Variants in NPIPA6 observed in about 807,000 individuals in gnomAD.
The protein encoded by NPIPA6 is nuclear pore complex-interacting protein family member A6.
chr16:16,343,093 ATTT>A, the NPIPA6 span, among the ~76,000 whole-genome samples: 2 of 86,166 alleles, frequency 2.3e-5, no homozygotes, highest in Non-Finnish European at 2.3e-5. Flanking sequence ...TATTCATGTC[ATTT>A]TTTTTTTTTT....
chr16:16,337,175 G>A, the NPIPA6 span, among the ~76,000 whole-genome samples: 2 of 105,862 alleles, frequency 1.9e-5, no homozygotes, highest in Non-Finnish European at 3.7e-5. Flanking sequence ...CAAACAAAAC[G>A]GACCAAAACA....
chr16:16,343,383 A>T, the NPIPA6 span, among the ~76,000 whole-genome samples: 1 of 51,756 alleles, frequency 1.9e-5, no homozygotes, highest in East Asian at 6.3e-4. Context: ...GAGCTACCGC[A>T]CCTGGCCTAT....
At chr16:16,343,421 A>T in the NPIPA6 span, among the ~76,000 whole-genome samples, 1 of 38,328 alleles carries the variant, frequency 2.6e-5, no homozygotes, top group Non-Finnish European at 4.6e-5. Flanking sequence ...TTTGAGACAG[A>T]GTTTGAATTT....
At chr16:16,338,381 T>C in the NPIPA6 span, among the ~76,000 whole-genome samples, 1 of 124,554 alleles carries the variant, frequency 8.0e-6, no homozygotes, top group African/African-American at 3.5e-5. Context: ...TCCACCTTGG[T>C]AATTTTTTTT....
chr16:16,343,712 GTTGTGTGT>G, the NPIPA6 span, among the ~76,000 whole-genome samples: 1 of 103,468 alleles, frequency 9.7e-6, no homozygotes. Context: ...ATTCTTGTGT[GTTGTGTGT>G]GTGTGTGTGT....
chr16:16,337,161 C>CT, the NPIPA6 span, among the ~76,000 whole-genome samples: 1 of 98,590 alleles, frequency 1.0e-5, no homozygotes, highest in Non-Finnish European at 2.0e-5. Context: ...ACTCTTGTCT[C>CT]TAACAAACAA....
At chr16:16,336,549 C>T in the NPIPA6 span, 1 of 155,348 alleles carries the variant, frequency 6.4e-6, no homozygotes, top group Non-Finnish European at 1.2e-5. Context: ...CCTTCCCTTA[C>T]TTCCCCCCTT....
chr16:16,343,634 T>G, the NPIPA6 span, among the ~76,000 whole-genome samples: 794 of 93,166 alleles, frequency 8.5e-3, no homozygotes, highest in African/African-American at 0.019. Context: ...GACCTCAGGT[T>G]ATCCGCCTGC....
the NPIPA6 span, among the ~76,000 whole-genome samples, chr16:16,339,169 G>GC: frequency 1.4e-4 from 2 of 14,036 alleles, no homozygotes; most frequent in African/African-American, 2.4e-4. Context: ...CTGCAATCTA[G>GC]CCTGGGTGAC....
chr16:16,337,221 G>T, the NPIPA6 span, among the ~76,000 whole-genome samples: 1 of 114,944 alleles, frequency 8.7e-6, no homozygotes, highest in African/African-American at 4.1e-5. Flanking sequence ...CATCTGGTTT[G>T]ATGACTTTTT....
the NPIPA6 span, among the ~76,000 whole-genome samples, chr16:16,336,521 C>T: frequency 4.4e-5 from 2 of 45,766 alleles, no homozygotes; most frequent in Admixed American, 2.0e-4. Context: ...TCCCCAACAG[C>T]CCCCTTCTCC....
At chr16:16,336,470 G>A in the NPIPA6 span, among the ~76,000 whole-genome samples, 1 of 22,684 alleles carries the variant, frequency 4.4e-5, no homozygotes, top group East Asian at 2.3e-3. Flanking sequence ...AATTTGAACC[G>A]GATCCTTTCC....
chr16:16,344,263 G>A, the NPIPA6 span: 2 of 5,864 alleles, frequency 3.4e-4, no homozygotes, highest in South Asian at 1.0e-3. Flanking sequence ...CAAGGGCTGA[G>A]GTCCGTTTGT....
chr16:16,332,083 G>A, the NPIPA6 span: 1 of 229,234 alleles, frequency 4.4e-6, no homozygotes, highest in Non-Finnish European at 7.5e-6. Context: ...AGGGAAAGGC[G>A]TCCACCAAAG....
At chr16:16,337,477 G>A in the NPIPA6 span, 1 of 56,458 alleles carries the variant, frequency 1.8e-5, no homozygotes, top group Admixed American at 1.8e-4. Flanking sequence ...CCCAGTGCTG[G>A]GATTACAGGC....
the NPIPA6 span, chr16:16,334,132 AG>A: frequency 1.3e-6 from 1 of 743,180 alleles, no homozygotes; most frequent in Non-Finnish European, 2.1e-6. Flanking sequence ...CCCTCCAGCG[AG>A]GGAACGCCCA....
chr16:16,343,452 A>C, the NPIPA6 span, among the ~76,000 whole-genome samples: 1 of 51,638 alleles, frequency 1.9e-5, no homozygotes, highest in African/African-American at 9.7e-5. Context: ...GTTGGAGTGC[A>C]ATGGCACAAT....
the NPIPA6 span, among the ~76,000 whole-genome samples, chr16:16,343,743 C>CA: frequency 1.7e-5 from 1 of 57,208 alleles, no homozygotes; most frequent in Non-Finnish European, 3.3e-5. Context: ...GTGTGTGTGA[C>CA]AGAGTCTCAT....
At chr16:16,333,975 CTG>C in the NPIPA6 span, 1 of 406,254 alleles carries the variant, frequency 2.5e-6, no homozygotes, top group Non-Finnish European at 4.3e-6. Context: ...TGCTGGGTGT[CTG>C]TGGCTCCATG....
Sources: gnomAD v4.1 joint callset for allele counts (sites outside exome capture counted in the v4.1 genomes callset) on GRCh38, gnomAD v4.1.1 for gene constraint, MANE v1.5 for transcripts, NCBI Gene and HGNC (gene_info 2026-07-23, HGNC 2026-07-21) for gene names.